Variants in ANKRD6 observed in about 807,000 individuals in gnomAD.
ANKRD6 encodes ankyrin repeat domain-containing protein 6.
In ANKRD6, 56 loss-of-function variants were observed where a neutral mutation model predicts 82.3. The observed-to-expected ratio is 0.68, with a 90% CI of 0.55 to 0.85. The LOEUF (loss-of-function observed/expected upper bound fraction) is 0.85, where lower values mean the gene tolerates loss of function less well. Among genes scored for constraint, ANKRD6 ranks in the 40% least tolerant of loss-of-function variants. The pLI is 0.00. For missense variants in ANKRD6, 852 were observed against 907.6 expected (o/e 0.94, Z 0.79); for synonymous variants, 347 against 352.1 (o/e 0.99, Z 0.16).
rs1057384927 is a variant in ANKRD6 at position 89,527,441 on chromosome 6, A to G, written c.-143-39393A>G. Among the ~76,000 whole-genome samples, 5 of 151,874 alleles carry G rather than the reference A, an allele frequency of 3.3e-5. No individual in the cohort carries two copies. In the East Asian group the frequency reaches 9.7e-4, roughly 29 times the overall value. On this transcript the variant is annotated intron_variant, in intron 1 of 15. Transcript: ENST00000339746. ...AAACTCTGTCTCTACTAAAAATACA[A>G]AAAATAGCTGGGCATGTTGCTGGGT... is the stretch of plus-strand genomic sequence containing the variant.
At chr6:89,596,448 C>A (rs754327618) in intron 3 of ANKRD6, among the ~76,000 whole-genome samples, 2 of 152,164 alleles carry the variant, frequency 1.3e-5, no homozygotes, top group South Asian at 2.1e-4. Context: ...TAATTTTTTT[C>A]TCATCTTAAT....
At chr6:89,463,498 A>C (rs979095256) in intron 1 of ANKRD6, among the ~76,000 whole-genome samples, 4 of 152,216 alleles carry the variant, frequency 2.6e-5, no homozygotes, top group Non-Finnish European at 5.9e-5. Context: ...GGTTCATACA[A>C]TACTTTTCAA....
chr6:89,598,377 AAACCAC>A, intron 3 of ANKRD6: 1 of 985,380 alleles, frequency 1.0e-6, no homozygotes, highest in South Asian at 4.7e-5. Context: ...AAAATAAGAA[AAACCAC>A]AGAGGGAAGG....
In ANKRD6 at chr6:89,621,995, C is replaced by G; in HGVS notation, c.866C>G (p.Ser289Cys). Residue 289 changes from serine (S) to cysteine (C), a missense_variant, in exon 10 of 16, where the codon TCT becomes TGT. Coordinates refer to ENST00000339746, the MANE Select transcript of ANKRD6 (RefSeq NM_001242809.2). Reference protein sequence around the residue: ...ERLKEERRAQSVPRDEVAQSK... With the variant: ...ERLKEERRAQCVPRDEVAQSK... ...CTCAAGGAAGAGAGGAGAGCCCAGT[C>G]TGTGCCAAGAGATGAGGTGGCCCAA... is the stretch of plus-strand genomic sequence containing the variant. 6.2e-7 allele frequency: 1 copy of G among 1,612,734 alleles called. No individual in the cohort carries two copies. The highest frequency in any genetic ancestry group is 8.5e-7 in the Non-Finnish European group (1 of 1,179,888).
At chr6:89,499,670 A>G (rs1779044701) in intron 1 of ANKRD6, among the ~76,000 whole-genome samples, 1 of 152,170 alleles carries the variant, frequency 6.6e-6, no homozygotes, top group Non-Finnish European at 1.5e-5. Flanking sequence ...ATACCAGTTC[A>G]TAATGCATGG....
rs147341718 is a variant in ANKRD6 at position 89,480,133 on chromosome 6, G to A, written c.-144+46758G>A. Among the ~76,000 whole-genome samples the A allele has an allele frequency of 6.1e-3, 932 of 152,302 alleles. 5 individuals are homozygous for A. Among genetic ancestry groups the A allele is most frequent in the African/African-American group, 0.018 (757 of 41,550 alleles). ...CTGTGCTGGTTTCTCACCAGCTGGT[G>A]TGTATATTGCATCGGCCTCTGTTCA... is the stretch of plus-strand genomic sequence containing the variant. On this transcript the variant is annotated intron_variant, in intron 1 of 15. Coordinates refer to ENST00000339746, the MANE Select transcript of ANKRD6 (RefSeq NM_001242809.2).
chr6:89,489,066 C>T (rs146029297), intron 1 of ANKRD6, among the ~76,000 whole-genome samples: 5 of 152,246 alleles, frequency 3.3e-5, no homozygotes, highest in Middle Eastern at 3.4e-3. Flanking sequence ...TCTCATGCGT[C>T]GCACATTGCC....
At chr6:89,549,376 C>T (rs1785512280) in intron 1 of ANKRD6, among the ~76,000 whole-genome samples, 2 of 149,722 alleles carry the variant, frequency 1.3e-5, no homozygotes, top group Non-Finnish European at 3.0e-5. Context: ...TTTGCCTCCC[C>T]ACCCCCAATC....
chr6:89,441,564 A>G (rs1771383212), intron 1 of ANKRD6, among the ~76,000 whole-genome samples: 1 of 151,714 alleles, frequency 6.6e-6, no homozygotes. Context: ...AAGCATTTAA[A>G]GAGGTTTATT....
Position 89,444,796 on chromosome 6 carries a change from C to T in ANKRD6, c.-144+11421C>T, listed in dbSNP as rs537598472. Among the ~76,000 whole-genome samples, 10 of 152,152 alleles carry T rather than the reference C, an allele frequency of 6.6e-5. No homozygotes were observed. In the South Asian group the frequency reaches 1.9e-3, roughly 28 times the overall value. ...CAGCCTGGCCAACACAGTGAAAACC[C>T]ATCTCTACTAAAAATAAAAAAATTA... is the stretch of plus-strand genomic sequence containing the variant. On this transcript the variant is annotated intron_variant, in intron 1 of 15. Coordinates refer to ENST00000339746, the MANE Select transcript of ANKRD6 (RefSeq NM_001242809.2).
intron 1 of ANKRD6, among the ~76,000 whole-genome samples, chr6:89,559,712 C>A (rs1787119257): frequency 6.6e-6 from 1 of 152,180 alleles, no homozygotes; most frequent in African/African-American, 2.4e-5. Flanking sequence ...TGCTCTGGTG[C>A]TGACAGGCCT....
intron 1 of ANKRD6, among the ~76,000 whole-genome samples, chr6:89,477,904 G>A (rs967794868): frequency 1.3e-5 from 2 of 151,262 alleles, no homozygotes; most frequent in African/African-American, 2.4e-5. Context: ...CCTATTAAAC[G>A]TGATAAAGTA....
chr6:89,435,061 C>T (rs1453588789), intron 1 of ANKRD6, among the ~76,000 whole-genome samples: 1 of 152,084 alleles, frequency 6.6e-6, no homozygotes, highest in Non-Finnish European at 1.5e-5. Flanking sequence ...ACTCATCAGC[C>T]TCCCCAAAGC....
At chr6:89,520,062 A>T (rs369950136) in intron 1 of ANKRD6, among the ~76,000 whole-genome samples, 2 of 152,166 alleles carry the variant, frequency 1.3e-5, no homozygotes, top group Non-Finnish European at 2.9e-5. Flanking sequence ...ATCACGGCTC[A>T]CTTGCAGCCT....
rs1322316332 is a variant in ANKRD6, at chr6:89,595,929, C to G, written c.134C>G (p.Pro45Arg). 5 of 1,608,876 alleles carry G rather than the reference C, an allele frequency of 3.1e-6. No homozygotes were observed. The highest frequency in any genetic ancestry group is 2.7e-5 in the African/African-American group (2 of 74,982). Reference protein sequence around the residue: ...RVAVTKHGRTPLHLAANKGHL... With the variant: ...RVAVTKHGRTRLHLAANKGHL... ...TTGCATTCACAGCATGGCCGGACTC[C>G]CCTGCATCTTGCTGCCAATAAGGGC... Residue 45 changes from proline to arginine, a missense_variant, in exon 3 of 16, where the codon CCC becomes CGC. Pro to Arg is a moderately radical substitution (Grantham distance 103, BLOSUM62 -2). Coordinates refer to ENST00000339746, the MANE Select transcript of ANKRD6 (RefSeq NM_001242809.2).
At chr6:89,512,746 T>C (rs1279532080) in intron 1 of ANKRD6, among the ~76,000 whole-genome samples, 1 of 152,224 alleles carries the variant, frequency 6.6e-6, no homozygotes, top group East Asian at 1.9e-4. Flanking sequence ...TGCACATAAA[T>C]ATCAATTTTA....
chr6:89,540,013 T>C (rs1784288075), intron 1 of ANKRD6, among the ~76,000 whole-genome samples: 2 of 152,182 alleles, frequency 1.3e-5, no homozygotes, highest in African/African-American at 4.8e-5. Flanking sequence ...ATAACCACAT[T>C]TTTGTTATCC....
chr6:89,593,226 A>G (rs1045119964), intron 2 of ANKRD6, among the ~76,000 whole-genome samples: 1 of 152,126 alleles, frequency 6.6e-6, no homozygotes, highest in Non-Finnish European at 1.5e-5. Flanking sequence ...CTCTGTCCTC[A>G]TGTGATGAAC....
At chr6:89,562,075 G>A (rs1019714994) in intron 1 of ANKRD6, among the ~76,000 whole-genome samples, 2 of 152,190 alleles carry the variant, frequency 1.3e-5, no homozygotes, top group African/African-American at 4.8e-5. Flanking sequence ...CAAAATGAAA[G>A]CCCTCTCCTT....
Sources: allele counts gnomAD v4.1 joint callset (sites outside exome capture counted in the v4.1 genomes callset), GRCh38; gene constraint gnomAD v4.1.1; transcripts MANE v1.5; gene names NCBI Gene and HGNC (gene_info 2026-07-23, HGNC 2026-07-21).